The following GRIK1 variants were observed in gnomAD, a reference collection of about 807,000 sequenced individuals.
GRIK1 encodes glutamate ionotropic receptor kainate type subunit 1.
Under a neutral mutation model 105.7 loss-of-function variants are expected in GRIK1, and 69 were observed. The ratio of observed to expected loss-of-function variants is 0.65; its 90% CI spans 0.54 to 0.80. GRIK1 has a LOEUF of 0.80. Among genes scored for constraint, GRIK1 ranks in the 30% least tolerant of loss-of-function variants. GRIK1 has a pLI of 0.00. For synonymous variants in GRIK1, 438 were observed against 431.3 expected (o/e 1.02, Z -0.19); for missense variants, 1,109 against 1,167.3 (o/e 0.95, Z 0.73).
chr21:29,761,597 G>T (rs1454339345), intron 1 of GRIK1, among the ~76,000 whole-genome samples: 1 of 151,930 alleles, frequency 6.6e-6, no homozygotes, highest in African/African-American at 2.4e-5. Context: ...TATTTCACAA[G>T]GATTCACTGT....
At chr21:29,691,554 A>G (rs182763018) in intron 2 of GRIK1, among the ~76,000 whole-genome samples, 19 of 152,238 alleles carry the variant, frequency 1.2e-4, no homozygotes, top group Admixed American at 1.2e-3. Flanking sequence ...TTTGCCCTCT[A>G]CAACCATGTA....
chr21:29,598,007 G>A (rs2061449336), intron 8 of GRIK1, among the ~76,000 whole-genome samples: 4 of 151,940 alleles, frequency 2.6e-5, no homozygotes, highest in South Asian at 2.1e-4. Context: ...ACTATAGTGG[G>A]AAAAAAAATG....
chr21:29,695,445 T>C (rs995283636), intron 1 of GRIK1, among the ~76,000 whole-genome samples: 1 of 133,314 alleles, frequency 7.5e-6, no homozygotes, highest in African/African-American at 2.9e-5. Flanking sequence ...AATATCTATC[T>C]ATCTATCTAT....
chr21:29,872,907 A>G (rs2069070076), intron 1 of GRIK1, among the ~76,000 whole-genome samples: 2 of 152,160 alleles, frequency 1.3e-5, no homozygotes, highest in African/African-American at 4.8e-5. Flanking sequence ...CAGCCAAACC[A>G]TATCAAACCC....
intron 7 of GRIK1, among the ~76,000 whole-genome samples, chr21:29,631,502 G>A (rs2062271118): frequency 1.3e-5 from 2 of 152,198 alleles, no homozygotes; most frequent in Admixed American, 1.3e-4. Flanking sequence ...GGACTTTTTA[G>A]CCTCCAGAAC....
At chr21:29,622,756 C>T (rs942015698) in intron 7 of GRIK1, among the ~76,000 whole-genome samples, 7 of 152,210 alleles carry the variant, frequency 4.6e-5, no homozygotes, top group African/African-American at 1.7e-4. Context: ...CTCCATTACT[C>T]ATTTCTCCTG....
intron 1 of GRIK1, among the ~76,000 whole-genome samples, chr21:29,728,729 G>A (rs996579412): frequency 1.3e-5 from 2 of 152,138 alleles, no homozygotes; most frequent in African/African-American, 4.8e-5. Context: ...AACAAAAACC[G>A]ATACATTCCT....
At chr21:29,714,303 T>C (rs1340566510) in intron 1 of GRIK1, among the ~76,000 whole-genome samples, 1 of 152,176 alleles carries the variant, frequency 6.6e-6, no homozygotes, top group South Asian at 2.1e-4. Context: ...AGGGTAATGA[T>C]GGATCTTAAT....
At chr21:29,726,027 T>C (rs2064449373) in intron 1 of GRIK1, among the ~76,000 whole-genome samples, 1 of 152,198 alleles carries the variant, frequency 6.6e-6, no homozygotes, top group Non-Finnish European at 1.5e-5. Context: ...ACAGATAGTA[T>C]TCACTCATGT....
intron 7 of GRIK1, among the ~76,000 whole-genome samples, chr21:29,620,831 T>TA (rs10673323): frequency 4.3e-5 from 6 of 140,222 alleles, no homozygotes; most frequent in African/African-American, 1.6e-4. Context: ...TAATAATATA[T>TA]TATAGTCATA....
chr21:29,666,978 T>G (rs1287895950), intron 4 of GRIK1, among the ~76,000 whole-genome samples: 1 of 152,200 alleles, frequency 6.6e-6, no homozygotes, highest in South Asian at 2.1e-4. Context: ...GTTTCTTCTA[T>G]CCAGAATGTT....
intron 1 of GRIK1, among the ~76,000 whole-genome samples, chr21:29,891,665 T>C (rs2069904137): frequency 6.6e-6 from 1 of 152,196 alleles, no homozygotes; most frequent in African/African-American, 2.4e-5. Context: ...ATCTTTACCA[T>C]ATCAGATCCT....
intron 1 of GRIK1, among the ~76,000 whole-genome samples, chr21:29,921,516 A>G (rs1011003964): frequency 6.6e-6 from 1 of 152,194 alleles, no homozygotes; most frequent in Non-Finnish European, 1.5e-5. Flanking sequence ...AAAAAAATAC[A>G]CCAGACTTAT....
chr21:29,652,289 T>G (rs3026013), intron 5 of GRIK1, among the ~76,000 whole-genome samples: 3 of 152,114 alleles, frequency 2.0e-5, no homozygotes, highest in African/African-American at 7.2e-5. Flanking sequence ...TGCCACAAAG[T>G]GAAATTTGAA....
chr21:29,646,443 A>T (rs1255360217), intron 6 of GRIK1, among the ~76,000 whole-genome samples: 2 of 152,056 alleles, frequency 1.3e-5, no homozygotes, highest in African/African-American at 2.4e-5. Context: ...ATTTTACTCT[A>T]TCGTCTGTTG....
At chr21:29,592,331 C>T (rs1257460118) in intron 9 of GRIK1, among the ~76,000 whole-genome samples, 1 of 152,170 alleles carries the variant, frequency 6.6e-6, no homozygotes, top group Non-Finnish European at 1.5e-5. Flanking sequence ...TGTCACAAAA[C>T]CAACCATGGC....
At chr21:29,724,849 T>C (rs1195602594) in intron 1 of GRIK1, among the ~76,000 whole-genome samples, 1 of 152,132 alleles carries the variant, frequency 6.6e-6, no homozygotes, top group South Asian at 2.1e-4. Flanking sequence ...GCGTATGTTT[T>C]ATTTTGTTAT....
At chr21:29,682,942 A>AC (rs398121594) in intron 3 of GRIK1, among the ~76,000 whole-genome samples, 2 of 152,156 alleles carry the variant, frequency 1.3e-5, no homozygotes, top group South Asian at 2.1e-4. Context: ...ACAAAAAAAA[A>AC]CCAAATAACC....
At chr21:29,683,670 A>G (rs1474234652) in intron 3 of GRIK1, among the ~76,000 whole-genome samples, 1 of 152,168 alleles carries the variant, frequency 6.6e-6, no homozygotes, top group Non-Finnish European at 1.5e-5. Flanking sequence ...ACCTGTGCTC[A>G]CTCACTGCAT....
Sources: gnomAD v4.1 joint callset for allele counts (sites outside exome capture counted in the v4.1 genomes callset) on GRCh38, gnomAD v4.1.1 for gene constraint, MANE v1.5 for transcripts, NCBI Gene and HGNC (gene_info 2026-07-23, HGNC 2026-07-21) for gene names.